Variants in SLIT2 observed in about 807,000 individuals in gnomAD.
SLIT2 encodes the protein slit homolog 2 protein.
SLIT2 carries 41 observed loss-of-function variants against 185.7 expected under a neutral mutation model. The observed-to-expected ratio is 0.22, with a 90% CI of 0.17 to 0.29. The LOEUF (loss-of-function observed/expected upper bound fraction) is 0.29. Among genes scored for constraint, SLIT2 ranks in the 10% least tolerant of loss-of-function variants. The pLI is 1.00. For synonymous variants in SLIT2, 693 were observed against 680.2 expected (o/e 1.02, Z -0.29); for missense variants, 1,571 against 1,909.0 (o/e 0.82, Z 3.30).
intron 4 of SLIT2, among the ~76,000 whole-genome samples, chr4:20,285,981 G>A (rs1038995718): frequency 3.3e-5 from 5 of 152,214 alleles, no homozygotes; most frequent in African/African-American, 1.2e-4. Context: ...TCTTCCAAGT[G>A]CCTTATTTAT....
At chr4:20,460,299 G>T (rs752954948) in intron 4 of SLIT2, among the ~76,000 whole-genome samples, 7 of 152,078 alleles carry the variant, frequency 4.6e-5, no homozygotes, top group Non-Finnish European at 1.0e-4. Flanking sequence ...TAACAGGAGA[G>T]AAAGTTATTT....
At chr4:20,358,128 A>G (rs1173145100) in intron 4 of SLIT2, among the ~76,000 whole-genome samples, 1 of 152,214 alleles carries the variant, frequency 6.6e-6, no homozygotes, top group Non-Finnish European at 1.5e-5. Context: ...AGAAAATCAG[A>G]CCTATCCCTT....
At chr4:20,307,411 C>T (rs1560302796) in intron 4 of SLIT2, among the ~76,000 whole-genome samples, 1 of 151,574 alleles carries the variant, frequency 6.6e-6, no homozygotes, top group Non-Finnish European at 1.5e-5. Flanking sequence ...TGCAGGAGCA[C>T]ACCACCACAC....
At chr4:20,521,410 A>C (rs542546138) in intron 12 of SLIT2, among the ~76,000 whole-genome samples, 15 of 152,312 alleles carry the variant, frequency 9.8e-5, no homozygotes, top group African/African-American at 2.6e-4. Flanking sequence ...AAGAAACAAA[A>C]CAGATTGTTG....
chr4:20,589,185 C>T (rs577236772), intron 29 of SLIT2, among the ~76,000 whole-genome samples: 45 of 152,048 alleles, frequency 3.0e-4, no homozygotes, highest in Middle Eastern at 3.4e-3. Flanking sequence ...TTGCAGGGAC[C>T]GGGGGGAAGG....
At chr4:20,345,003 G>A (rs1721271088) in intron 4 of SLIT2, among the ~76,000 whole-genome samples, 1 of 152,018 alleles carries the variant, frequency 6.6e-6, no homozygotes, top group Non-Finnish European at 1.5e-5. Context: ...ATTAATTTTG[G>A]GAGTGATTAT....
chr4:20,549,852 C>G (rs1050660359), intron 24 of SLIT2, among the ~76,000 whole-genome samples: 1 of 151,868 alleles, frequency 6.6e-6, no homozygotes, highest in African/African-American at 2.4e-5. Flanking sequence ...AGAACTGATT[C>G]AATCATCTTC....
At chr4:20,525,780 T>C (rs1721234335) in intron 15 of SLIT2, among the ~76,000 whole-genome samples, 2 of 152,162 alleles carry the variant, frequency 1.3e-5, no homozygotes, top group Admixed American at 1.3e-4. Context: ...AATTACAATA[T>C]AACTCCATAA....
intron 29 of SLIT2, among the ~76,000 whole-genome samples, chr4:20,575,790 TA>T (rs1726040634): frequency 6.6e-6 from 1 of 152,164 alleles, no homozygotes; most frequent in African/African-American, 2.4e-5. Context: ...CCGTCTATTT[TA>T]TCTAGATAGG....
intron 3 of SLIT2, among the ~76,000 whole-genome samples, chr4:20,259,292 T>G (rs1179688981): frequency 6.6e-6 from 1 of 151,768 alleles, no homozygotes; most frequent in African/African-American, 2.4e-5. Flanking sequence ...GATTAGCTAA[T>G]TCCTAGTAAG....
intron 4 of SLIT2, among the ~76,000 whole-genome samples, chr4:20,417,489 TATATAC>T (rs949255189): frequency 6.7e-6 from 1 of 148,290 alleles, no homozygotes; most frequent in African/African-American, 2.5e-5. Context: ...CATATACGTA[TATATAC>T]ATATACATAT....
intron 5 of SLIT2, among the ~76,000 whole-genome samples, chr4:20,475,836 A>G (rs1716045490): frequency 2.0e-5 from 3 of 152,074 alleles, no homozygotes; most frequent in Non-Finnish European, 2.9e-5. Flanking sequence ...CATCTCTACT[A>G]CTGCTATCTG....
At chr4:20,531,881 C>T (rs1721841776) in intron 16 of SLIT2, 103 bp from the exon 17 acceptor site, 2 of 616,050 alleles carry the variant, frequency 3.2e-6, no homozygotes, top group Non-Finnish European at 5.6e-6. Flanking sequence ...CTTTTATTTT[C>T]CTGGTATCAT....
At chr4:20,468,725 G>T (rs1362109419) in intron 5 of SLIT2, among the ~76,000 whole-genome samples, 2 of 152,042 alleles carry the variant, frequency 1.3e-5, no homozygotes, top group Non-Finnish European at 1.5e-5. Flanking sequence ...ATGTAGGGGA[G>T]AAAAGCCCCT....
intron 4 of SLIT2, among the ~76,000 whole-genome samples, chr4:20,348,701 G>C (rs1207411218): frequency 6.6e-6 from 1 of 152,166 alleles, no homozygotes; most frequent in Non-Finnish European, 1.5e-5. Flanking sequence ...CAGGTGACTG[G>C]AATATAAGTG....
At chr4:20,541,754 GT>G in intron 20 of SLIT2, 135 bp downstream of exon 20, 2 of 748,148 alleles carry the variant, frequency 2.7e-6, no homozygotes, top group Non-Finnish European at 4.3e-6. Context: ...TTTGGGTTTT[GT>G]TTTAGTGCCA....
intron 4 of SLIT2, among the ~76,000 whole-genome samples, chr4:20,291,486 ATATATATTTTTTTTTTTTTTTTTTT>A (rs1372276145): frequency 7.0e-3 from 72 of 10,260 alleles, no homozygotes; most frequent in Non-Finnish European, 9.7e-3. Flanking sequence ...ATATATATAT[ATATATATTTTTTTTTTTTTTTTTTT>A]TTTTTTTTTT....
At chr4:20,415,940 C>T (rs1335653886) in intron 4 of SLIT2, among the ~76,000 whole-genome samples, 2 of 152,016 alleles carry the variant, frequency 1.3e-5, no homozygotes, top group East Asian at 1.9e-4. Context: ...AAATTCTTAT[C>T]CTCAGTTCCA....
At chr4:20,507,637 A>G (rs1288441638) in intron 9 of SLIT2, among the ~76,000 whole-genome samples, 1 of 151,654 alleles carries the variant, frequency 6.6e-6, no homozygotes, top group African/African-American at 2.4e-5. Flanking sequence ...TTTTGTACAG[A>G]GTAGACATTA....
Sources: gnomAD v4.1 joint callset for allele counts (sites outside exome capture counted in the v4.1 genomes callset) on GRCh38, gnomAD v4.1.1 for gene constraint, MANE v1.5 for transcripts, NCBI Gene and HGNC (gene_info 2026-07-23, HGNC 2026-07-21) for gene names.